STK10: variants seen among roughly 807,000 people sequenced by gnomAD.
STK10 encodes serine/threonine-protein kinase 10.
Under a neutral mutation model 113.8 loss-of-function variants are expected in STK10, and 78 were observed. The observed-to-expected ratio is 0.69, with a 90% CI of 0.57 to 0.83. The LOEUF (loss-of-function observed/expected upper bound fraction) is 0.83, where lower values mean the gene tolerates loss of function less well. STK10 is among the 40% of genes least tolerant of loss of function. The probability of loss-of-function intolerance (pLI) is 0.00; values close to 1 mark genes in which losing one functional copy is unlikely to be tolerated. For missense variants in STK10, 1,109 were observed against 1,280.1 expected, an observed-to-expected ratio of 0.87 and a Z score of 2.04; for synonymous variants, 465 against 494.7, an observed-to-expected ratio of 0.94 and a Z score of 0.80.
intron 10 of STK10, among the ~76,000 whole-genome samples, chr5:172,088,448 C>T (rs947510319): frequency 2.1e-4 from 32 of 152,028 alleles, no homozygotes; most frequent in African/African-American, 7.3e-4. Flanking sequence ...CGCTTGAACC[C>T]GGGAGGCAGA....
At chr5:172,061,969 A>ATTTTT in intron 13 of STK10, among the ~76,000 whole-genome samples, 1 of 150,452 alleles carries the variant, frequency 6.6e-6, no homozygotes, top group African/African-American at 2.5e-5. Flanking sequence ...TTCCCATGTT[A>ATTTTT]CTTTTCTTTT....
At position 172,096,861 on chromosome 5, in the gene STK10, G is replaced by A. The variant is rs937643374; in HGVS notation, c.871-301C>T. ...CAATGAACCCACAGGGAGGTCATGC[G>A]GATTAAATGAGATCATGCACTTGAA... On this transcript the variant is annotated intron_variant, in intron 7 of 18. Transcript: ENST00000176763. Among the ~76,000 whole-genome samples, 6 of 152,320 alleles carry A rather than the reference G, an allele frequency of 3.9e-5. No homozygotes were observed. In the South Asian group the frequency reaches 6.2e-4, roughly 16 times the overall value.
In STK10 at chr5:172,120,198, C is replaced by T. The variant is rs1769480522; in HGVS notation, c.371-2568G>A. 6.6e-6 allele frequency among the ~76,000 whole-genome samples: 1 copy of T among 152,162 alleles called. No homozygotes were observed. Among genetic ancestry groups the T allele is most frequent in the Non-Finnish European group, 1.5e-5 (1 of 68,022 alleles). On this transcript the variant is annotated intron_variant, in intron 3 of 18. Coordinates refer to ENST00000176763, the MANE Select transcript of STK10 (RefSeq NM_005990.4). This position sits in a 1 kb window ranked among gnomAD's most constrained non-coding sequence, Gnocchi z 4.0. ...TTGGCCTGCCAGGTTCCCAGGCTGT[C>T]GGCTTCTAAGCCTGGTCACCAAAGG...
At chr5:172,172,061 G>A (rs377622680) in intron 1 of STK10, among the ~76,000 whole-genome samples, 38 of 152,148 alleles carry the variant, frequency 2.5e-4, no homozygotes, top group East Asian at 1.5e-3. Context: ...ATGGTGGCAC[G>A]CACCTATAGT....
chr5:172,145,801 GGAAAGCC>G (rs1402094089), intron 2 of STK10, among the ~76,000 whole-genome samples: 4 of 152,184 alleles, frequency 2.6e-5, no homozygotes, highest in Non-Finnish European at 5.9e-5. Context: ...GATCACACAG[GGAAAGCC>G]TGTAGCTCAG....
In STK10 at chr5:172,156,757, G is replaced by T; in HGVS notation, c.188C>A (p.Ala63Glu). 6.2e-7 allele frequency: 1 copy of T among 1,613,850 alleles called. No individual in the cohort carries two copies. The highest frequency in any genetic ancestry group is 8.5e-7 in the Non-Finnish European group (1 of 1,179,818). The change falls in exon 2 of 19, where the codon GCG becomes GAG. Residue 63 changes from alanine to glutamate, a missense_variant. By Grantham distance (107) the Ala-to-Glu change is moderately radical. Around this residue, in one of 5 missense-constraint regions of STK10, gnomAD observed 120 missense variants for 134.8 expected, o/e 0.89. Transcript: ENST00000176763. ...ACTCTTGGTTTCAATGACTTTGGCCGCAGCCAAAGCACCCGTCTCCTTATT... is the reference window on the plus strand; with the variant it reads ...ACTCTTGGTTTCAATGACTTTGGCCTCAGCCAAAGCACCCGTCTCCTTATT... ...AKNKETGALA[A>E]AKVIETKSEE... is the part of the protein sequence containing the mutation.
At chr5:172,160,006 G>C (rs941184116) in intron 1 of STK10, among the ~76,000 whole-genome samples, 5 of 151,374 alleles carry the variant, frequency 3.3e-5, no homozygotes, top group African/African-American at 1.2e-4. Flanking sequence ...CGTGGTGGCA[G>C]ACGCCTGTAA....
At position 172,188,133 on chromosome 5, in the gene STK10, G is replaced by T; in HGVS notation, c.-91C>A. The T allele has an allele frequency of 6.6e-7, 1 of 1,514,060 alleles. No homozygotes were observed. Among genetic ancestry groups the T allele is most frequent in the Non-Finnish European group, 8.9e-7 (1 of 1,129,856 alleles). 93.8% of individuals were successfully genotyped at this position (1,514,060 alleles called of 1,614,324 possible). ...CGAGGAGAAGGAGGAGGAGTTGGAG[G>T]ACGCCGCGTCTCTCGGGGTTCTCCC... On this transcript the variant is annotated 5_prime_UTR_variant, in exon 1 of 19. Coordinates refer to ENST00000176763, the MANE Select transcript of STK10 (RefSeq NM_005990.4). This position sits in a 1 kb window ranked among gnomAD's most constrained non-coding sequence, Gnocchi z 5.6.
rs1319826019 is a variant in STK10, at chr5:172,090,365, G to A, written c.1555-3C>T. On this transcript the variant is annotated splice_polypyrimidine_tract_variant and splice_region_variant and intron_variant, in intron 9 of 18. Transcript: ENST00000176763. ...GTTTTTTTGTACAGTTTCGGGTCCTGGCCAGGGAAAACCATTAGACAAGTC... is the reference window on the plus strand; with the variant it reads ...GTTTTTTTGTACAGTTTCGGGTCCTAGCCAGGGAAAACCATTAGACAAGTC... 6.2e-7 allele frequency: 1 copy of A among 1,613,196 alleles called. No homozygotes were observed. Among genetic ancestry groups the A allele is most frequent in the Non-Finnish European group, 8.5e-7 (1 of 1,179,614 alleles).
chr5:172,151,247 G>A lies in STK10; in HGVS notation c.321+5377C>T, dbSNP rs934102849. On this transcript the variant is annotated intron_variant, in intron 2 of 18. Coordinates refer to ENST00000176763, the MANE Select transcript of STK10 (RefSeq NM_005990.4). Reference sequence around the variant, plus strand: ...GAAAACTGAGGCACAAGGACAGAAGGAATTGGCTCTGGTCTCACAGTAAGT... The same window carrying A: ...GAAAACTGAGGCACAAGGACAGAAGAAATTGGCTCTGGTCTCACAGTAAGT... Among the ~76,000 whole-genome samples the A allele has an allele frequency of 1.1e-4, 17 of 152,210 alleles. No homozygotes were observed. In the East Asian group the frequency reaches 1.3e-3, roughly 12 times the overall value.
intron 1 of STK10, among the ~76,000 whole-genome samples, chr5:172,165,244 G>T (rs1035691468): frequency 6.6e-6 from 1 of 152,098 alleles, no homozygotes; most frequent in Non-Finnish European, 1.5e-5. Flanking sequence ...CAGACCTCAG[G>T]ACAGTGAGAA....
chr5:172,068,360 T>G (rs1187154649), intron 12 of STK10, among the ~76,000 whole-genome samples: 1 of 149,438 alleles, frequency 6.7e-6, no homozygotes, highest in Non-Finnish European at 1.5e-5. Context: ...AGTGCTGAGA[T>G]AGGTATGTCT....
chr5:172,176,373 A>T (rs565978893), intron 1 of STK10, among the ~76,000 whole-genome samples: 19 of 151,814 alleles, frequency 1.3e-4, no homozygotes, highest in Non-Finnish European at 2.8e-4. Context: ...TGTCTCACAA[A>T]CATCTTCTCA....
At chr5:172,146,169 C>T (rs550622943) in intron 2 of STK10, among the ~76,000 whole-genome samples, 7 of 152,342 alleles carry the variant, frequency 4.6e-5, no homozygotes, top group African/African-American at 1.7e-4. Flanking sequence ...GAGGGCAGGC[C>T]TTCGTGTCTG....
At chr5:172,100,072 T>C (rs890518030) in intron 7 of STK10, among the ~76,000 whole-genome samples, 9 of 152,238 alleles carry the variant, frequency 5.9e-5, no homozygotes, top group Admixed American at 2.0e-4. Context: ...TATGGCTGAT[T>C]AGGCCCAAAC....
chr5:172,159,999 G>C (rs551413193), intron 1 of STK10, among the ~76,000 whole-genome samples: 6 of 151,850 alleles, frequency 4.0e-5, no homozygotes, highest in African/African-American at 1.5e-4. Context: ...AGCTGGGCGT[G>C]GTGGCAGACG....
At chr5:172,105,367 T>C (rs539750717) in intron 7 of STK10, among the ~76,000 whole-genome samples, 1 of 152,130 alleles carries the variant, frequency 6.6e-6, no homozygotes, top group East Asian at 1.9e-4. Context: ...TGGATCTCCT[T>C]CCGTGGCACT....
At chr5:172,130,545 A>G (rs1247675008) in intron 2 of STK10, among the ~76,000 whole-genome samples, 3 of 147,798 alleles carry the variant, frequency 2.0e-5, no homozygotes, top group Non-Finnish European at 4.5e-5. Context: ...AAAAAAAAAA[A>G]CCGAAAAACC....
At chr5:172,085,552 G>A (rs746545299) in intron 10 of STK10, among the ~76,000 whole-genome samples, 2 of 151,872 alleles carry the variant, frequency 1.3e-5, no homozygotes, top group Non-Finnish European at 2.9e-5. Flanking sequence ...AGCCAGGTAT[G>A]GTGGTGCACG....
Sources: allele counts gnomAD v4.1 joint callset (sites outside exome capture counted in the v4.1 genomes callset), GRCh38; gene constraint gnomAD v4.1.1; regional missense constraint gnomAD v4.1.1; non-coding constraint Gnocchi (gnomAD v3.1); transcripts MANE v1.5; gene names NCBI Gene and HGNC (gene_info 2026-07-23, HGNC 2026-07-21).